Variants in CDK6 observed in about 807,000 individuals in gnomAD.
The protein encoded by CDK6 is cyclin-dependent kinase 6.
A neutral mutation model predicts 37.1 loss-of-function variants in CDK6; 6 were observed. The observed-to-expected ratio is 0.16, with a 90% CI of 0.09 to 0.32. CDK6 has a LOEUF of 0.32. Among genes scored for constraint, CDK6 ranks in the 10% least tolerant of loss-of-function variants. The pLI is 1.00. For synonymous variants in CDK6, 160 were observed against 161.3 expected, an observed-to-expected ratio of 0.99 and a Z score of 0.06; for missense variants, 224 against 418.9, an observed-to-expected ratio of 0.53 and a Z score of 4.06.
Position 92,610,280 on chromosome 7 carries a change from T to C in CDK6, c.*4860A>G, listed in dbSNP as rs1472756522. The C allele has an allele frequency of 8.6e-6, 2 of 232,268 alleles. No homozygotes were observed. The highest frequency in any genetic ancestry group is 2.2e-5 in the African/African-American group (1 of 45,318). 14.4% of individuals were successfully genotyped at this position (232,268 alleles called of 1,614,324 possible). A position where few individuals can be genotyped will look rare whatever the true frequency, so the allele number is the denominator to read the frequency against. On this transcript the variant is annotated 3_prime_UTR_variant, in exon 8 of 8. Coordinates refer to ENST00000424848, the MANE Select transcript of CDK6 (RefSeq NM_001145306.2). ...TTTCAGGTGGCTCTTGTTTTCTTCC[T>C]AAGGCTAGACAAGGTAACAATATGT...
intron 2 of CDK6, among the ~76,000 whole-genome samples, chr7:92,795,241 T>C (rs1800379918): frequency 6.6e-6 from 1 of 152,142 alleles, no homozygotes; most frequent in African/African-American, 2.4e-5. Flanking sequence ...ATTTTGCTTA[T>C]TTCCAAAGAG....
chr7:92,632,637 A>G (rs1319406422), intron 5 of CDK6, among the ~76,000 whole-genome samples: 1 of 152,168 alleles, frequency 6.6e-6, no homozygotes, highest in African/African-American at 2.4e-5. Context: ...AACTTTTTCA[A>G]AAAGCTTATT....
At chr7:92,633,687 A>G (rs1796106526) in intron 5 of CDK6, among the ~76,000 whole-genome samples, 1 of 151,370 alleles carries the variant, frequency 6.6e-6, no homozygotes, top group Admixed American at 6.6e-5. Flanking sequence ...TGGAAGTGTC[A>G]ATGTGGACAA....
chr7:92,684,966 T>TA lies in CDK6; in HGVS notation c.538-13432dup, dbSNP rs201470655. ...TTTTACCATCTGATTTCAAAGTTGC[T>TA]AAAAAAAAAGGTCTAATATGTAATA... On this transcript the variant is annotated intron_variant, in intron 4 of 7. Transcript: ENST00000424848. Among the ~76,000 whole-genome samples, 133 of 151,018 alleles carry TA rather than the reference T, an allele frequency of 8.8e-4. No homozygotes were observed. The South Asian group carries it at 0.015, about 18-fold the overall frequency.
chr7:92,770,326 T>A (rs960386197), intron 3 of CDK6, among the ~76,000 whole-genome samples: 7 of 150,274 alleles, frequency 4.7e-5, no homozygotes, highest in South Asian at 2.1e-4. Context: ...ATGCTTTTTT[T>A]TTTTTTTTTT....
chr7:92,682,749 A>G (rs1797365283), intron 4 of CDK6, among the ~76,000 whole-genome samples: 1 of 152,202 alleles, frequency 6.6e-6, no homozygotes. Context: ...TATAAATTTT[A>G]TAGGCCATAG....
intron 3 of CDK6, among the ~76,000 whole-genome samples, chr7:92,771,250 T>A (rs1437660178): frequency 3.6e-5 from 4 of 111,152 alleles, no homozygotes; most frequent in Admixed American, 9.1e-5. Flanking sequence ...ATAAAATAAA[T>A]AAATAAAAAT....
intron 4 of CDK6, among the ~76,000 whole-genome samples, chr7:92,686,894 A>G (rs1797468032): frequency 6.6e-6 from 1 of 151,472 alleles, no homozygotes; most frequent in South Asian, 2.1e-4. Flanking sequence ...ATTTTTTCAT[A>G]TATTTGTTGG....
At chr7:92,634,451 G>A (rs1316274650) in intron 5 of CDK6, among the ~76,000 whole-genome samples, 1 of 151,172 alleles carries the variant, frequency 6.6e-6, no homozygotes, top group African/African-American at 2.4e-5. Flanking sequence ...TTTAGTGCTT[G>A]GTAGCAGGAG....
In CDK6 at chr7:92,778,924, C is replaced by CATATAT. The variant is rs145888983; in HGVS notation, c.234-4099_234-4094dup. Among the ~76,000 whole-genome samples the CATATAT allele has an allele frequency of 4.9e-3, 534 of 109,018 alleles. 12 individuals are homozygous for CATATAT. Among genetic ancestry groups the CATATAT allele is most frequent in the Middle Eastern group, 0.019 (4 of 214 alleles). The allele number at this position is 109,018 out of a possible 152,430, so 71.5% of individuals were successfully genotyped here. ...AGTTCTTACTGCATTTATAGTTTAT[C>CATATAT]ATATATATATATATATATATATAAG... On this transcript the variant is annotated intron_variant, in intron 2 of 7. Coordinates refer to ENST00000424848, the MANE Select transcript of CDK6 (RefSeq NM_001145306.2).
At chr7:92,703,255 G>A (rs1797896860) in intron 4 of CDK6, among the ~76,000 whole-genome samples, 1 of 151,864 alleles carries the variant, frequency 6.6e-6, no homozygotes, top group African/African-American at 2.4e-5. Context: ...AACACCAGAT[G>A]ACCATATTGC....
chr7:92,743,173 C>T (rs917566459), intron 3 of CDK6, among the ~76,000 whole-genome samples: 17 of 151,526 alleles, frequency 1.1e-4, no homozygotes, highest in South Asian at 2.1e-4. Flanking sequence ...ACTTTGAGTT[C>T]GAGACCAGCC....
chr7:92,709,992 T>C (rs1562942803), intron 4 of CDK6, among the ~76,000 whole-genome samples: 1 of 152,222 alleles, frequency 6.6e-6, no homozygotes, highest in African/African-American at 2.4e-5. Context: ...TAAAACATTT[T>C]ATTAGAGATT....
intron 3 of CDK6, among the ~76,000 whole-genome samples, chr7:92,760,170 T>C (rs1799419565): frequency 1.3e-5 from 2 of 152,202 alleles, no homozygotes; most frequent in African/African-American, 4.8e-5. Context: ...TCATCAGCAA[T>C]TGCTTCCATT....
chr7:92,750,471 A>C (rs1799163239), intron 3 of CDK6, among the ~76,000 whole-genome samples: 1 of 152,172 alleles, frequency 6.6e-6, no homozygotes, highest in South Asian at 2.1e-4. Flanking sequence ...TTCCACTTTG[A>C]TCAACCTTGC....
intron 4 of CDK6, among the ~76,000 whole-genome samples, chr7:92,693,016 C>T (rs762230899): frequency 2.0e-5 from 3 of 152,232 alleles, no homozygotes; most frequent in Non-Finnish European, 4.4e-5. Context: ...TTGCTCTTCA[C>T]GGGGTACTTC....
rs1025772627 is a variant in CDK6 at position 92,768,173 on chromosome 7, G to A, written c.369+6523C>T. ...ATGCTGAAGGTGGGAGGCTGATAGCGGTGGTGGGAGTTTGTAGAGGGGTAA... is the reference window on the plus strand; with the variant it reads ...ATGCTGAAGGTGGGAGGCTGATAGCAGTGGTGGGAGTTTGTAGAGGGGTAA... On this transcript the variant is annotated intron_variant, in intron 3 of 7. Coordinates refer to ENST00000424848, the MANE Select transcript of CDK6 (RefSeq NM_001145306.2). Among the ~76,000 whole-genome samples, 7 of 152,104 alleles carry A rather than the reference G, an allele frequency of 4.6e-5. No homozygotes were observed. The South Asian group carries it at 1.0e-3, about 23-fold the overall frequency.
chr7:92,641,924 G>A (rs191962527), intron 5 of CDK6, among the ~76,000 whole-genome samples: 161 of 152,338 alleles, frequency 1.1e-3, no homozygotes, highest in Non-Finnish European at 1.7e-3. Flanking sequence ...ATTAATTAAT[G>A]TCTCACAGCC....
At position 92,835,628 on chromosome 7, in the gene CDK6, T is replaced by C. The variant is rs1801643296; in HGVS notation, c.-368+850A>G. 6.6e-6 allele frequency among the ~76,000 whole-genome samples: 1 copy of C among 152,220 alleles called. No individual in the cohort carries two copies. Among genetic ancestry groups the C allele is most frequent in the African/African-American group, 2.4e-5 (1 of 41,452 alleles). On this transcript the variant is annotated intron_variant, in intron 1 of 7. Transcript: ENST00000424848. This position sits in a 1 kb window ranked among gnomAD's most constrained non-coding sequence, Gnocchi z 4.2. ...CCTTCTGCTTTCTGTCTCTGCTCTC[T>C]GTCTTCACACTCAATGAAATCCTTC...
Sources: allele counts gnomAD v4.1 joint callset (sites outside exome capture counted in the v4.1 genomes callset), GRCh38; gene constraint gnomAD v4.1.1; non-coding constraint Gnocchi (gnomAD v3.1); transcripts MANE v1.5; gene names NCBI Gene and HGNC (gene_info 2026-07-23, HGNC 2026-07-21).